The following RAP1GAP2 variants were observed in gnomAD, a reference collection of about 807,000 sequenced individuals.
RAP1GAP2 encodes the protein rap1 GTPase-activating protein 2.
Under a neutral mutation model 95.0 loss-of-function variants are expected in RAP1GAP2, and 27 were observed. The observed-to-expected ratio is 0.28, with a 90% CI of 0.21 to 0.39. The LOEUF (loss-of-function observed/expected upper bound fraction) is 0.39, where lower values mean the gene tolerates loss of function less well. Among genes scored for constraint, RAP1GAP2 ranks in the 10% least tolerant of loss-of-function variants. The pLI is 1.00. For missense variants in RAP1GAP2, 771 were observed against 970.0 expected, an observed-to-expected ratio of 0.79 and a Z score of 2.72; for synonymous variants, 373 against 380.9, an observed-to-expected ratio of 0.98 and a Z score of 0.24.
Position 3,005,887 on chromosome 17 carries a change from A to G in RAP1GAP2, c.1273-68A>G. 5.5e-6 allele frequency: 8 copies of G among 1,441,470 alleles called. No homozygotes were observed. Among genetic ancestry groups the G allele is most frequent in the Non-Finnish European group, 5.9e-6 (6 of 1,023,058 alleles). The allele number at this position is 1,441,470 out of a possible 1,614,324, so 89.3% of individuals were successfully genotyped here. A position where few individuals can be genotyped will look rare whatever the true frequency, so the allele number is the denominator to read the frequency against. ...ATGGCCCCGGCTCTGCCTGCCTGTC[A>G]CTGTGGCTGAAGACCTTCTGGCAAC... On this transcript the variant is annotated intron_variant, in intron 15 of 24. Transcript: ENST00000254695. This position sits in a 1 kb window ranked among gnomAD's most constrained non-coding sequence, Gnocchi z 5.2.
rs757054651 is a variant in RAP1GAP2 at position 3,018,073 on chromosome 17, G to T, written c.1507G>T (p.Val503Leu). ...FLESFKRAIR[V>L]RSHSMETMVG... ...TCTCTCCCCGTAGAGGGCCATCCGCGTACGCAGCCACTCCATGGAGACCAT... is the reference window on the plus strand; with the variant it reads ...TCTCTCCCCGTAGAGGGCCATCCGCTTACGCAGCCACTCCATGGAGACCAT... Residue 503 changes from valine to leucine, a missense_variant, in exon 18 of 25, where the codon GTA (valine) becomes TTA (leucine). Coordinates refer to ENST00000254695, the MANE Select transcript of RAP1GAP2 (RefSeq NM_015085.5). 3 of 1,587,970 alleles carry T rather than the reference G, an allele frequency of 1.9e-6. No individual in the cohort carries two copies. The highest frequency in any genetic ancestry group is 2.6e-6 in the Non-Finnish European group (3 of 1,167,806).
chr17:2,873,303 TA>T (rs1343295938), intron 2 of RAP1GAP2, among the ~76,000 whole-genome samples: 1 of 29,782 alleles, frequency 3.4e-5, no homozygotes, highest in East Asian at 1.3e-3. Flanking sequence ...CTACCAAAAA[TA>T]CAAAAAAAAA....
At chr17:2,913,159 C>T (rs1232384455) in intron 3 of RAP1GAP2, among the ~76,000 whole-genome samples, 2 of 151,852 alleles carry the variant, frequency 1.3e-5, no homozygotes, top group African/African-American at 2.4e-5. Flanking sequence ...GCCTGGGTGA[C>T]AGAGCAAAAT....
intron 10 of RAP1GAP2, 145 bp from the exon 11 acceptor site, chr17:2,984,836 TTC>T (rs760147949): frequency 3.5e-5 from 49 of 1,413,522 alleles, no homozygotes; most frequent in Admixed American, 7.5e-5. Flanking sequence ...TACTTATTAT[TTC>T]TCTCTCTCTC....
chr17:2,975,182 A>C (rs1453062023), intron 8 of RAP1GAP2, among the ~76,000 whole-genome samples: 2 of 152,208 alleles, frequency 1.3e-5, no homozygotes, highest in Non-Finnish European at 2.9e-5. Context: ...GTGAGCTGAA[A>C]TTGCGCCACA....
chr17:3,018,734 C>T (rs1279175668), intron 18 of RAP1GAP2, among the ~76,000 whole-genome samples: 1 of 152,102 alleles, frequency 6.6e-6, no homozygotes, highest in Non-Finnish European at 1.5e-5. Flanking sequence ...CGCTGGGGCT[C>T]AGTAACTTGC....
intron 3 of RAP1GAP2, among the ~76,000 whole-genome samples, chr17:2,938,514 C>T (rs1597662947): frequency 6.6e-6 from 1 of 152,152 alleles, no homozygotes; most frequent in African/African-American, 2.4e-5. Flanking sequence ...GCTTCTCCTT[C>T]CCCACAGCAC....
intron 4 of RAP1GAP2, among the ~76,000 whole-genome samples, chr17:2,961,434 G>C (rs1365435109): frequency 6.6e-6 from 1 of 152,112 alleles, no homozygotes; most frequent in Non-Finnish European, 1.5e-5. Flanking sequence ...AGAATTGCTT[G>C]AACCTGGGAG....
chr17:2,880,854 C>T (rs780023877), intron 2 of RAP1GAP2, among the ~76,000 whole-genome samples: 2 of 152,136 alleles, frequency 1.3e-5, no homozygotes, highest in South Asian at 2.1e-4. Flanking sequence ...AGGTCAGGCA[C>T]GGTGGCTCAC....
At chr17:2,766,398 G>T (rs1224405148) in intron 1 of RAP1GAP2, among the ~76,000 whole-genome samples, 1 of 152,084 alleles carries the variant, frequency 6.6e-6, no homozygotes, top group Admixed American at 6.6e-5. Flanking sequence ...CAGCACTTTG[G>T]GAGGCCAGGT....
At chr17:3,015,251 T>A (rs1353754162) in intron 17 of RAP1GAP2, among the ~76,000 whole-genome samples, 2 of 152,048 alleles carry the variant, frequency 1.3e-5, no homozygotes, top group African/African-American at 2.4e-5. Context: ...TTGACTCAGA[T>A]AAGAGATGCC....
At chr17:2,961,344 G>A (rs563149380) in intron 4 of RAP1GAP2, among the ~76,000 whole-genome samples, 11 of 152,060 alleles carry the variant, frequency 7.2e-5, no homozygotes, top group South Asian at 2.1e-4. Context: ...GTGAAACCTC[G>A]TCTCTACTAA....
intron 8 of RAP1GAP2, among the ~76,000 whole-genome samples, chr17:2,969,493 A>ATTTTTTTTTTTTTTTTT (rs2044761423): frequency 2.9e-5 from 3 of 101,880 alleles, no homozygotes; most frequent in African/African-American, 1.1e-4. Context: ...AAATATATAT[A>ATTTTTTTTTTTTTTTTT]TTCTTTTTTT....
At chr17:2,928,901 A>G (rs538916062) in intron 3 of RAP1GAP2, among the ~76,000 whole-genome samples, 29 of 152,140 alleles carry the variant, frequency 1.9e-4, no homozygotes, top group African/African-American at 6.7e-4. Flanking sequence ...TGAGAGACCC[A>G]GGGGCTGGTC....
At chr17:2,924,881 C>T (rs568416276) in intron 3 of RAP1GAP2, among the ~76,000 whole-genome samples, 39 of 152,224 alleles carry the variant, frequency 2.6e-4, no homozygotes, top group Middle Eastern at 3.4e-3. Context: ...CTCTTTCCTC[C>T]GGGGGGCTAG....
chr17:2,963,144 G>A lies in RAP1GAP2; in HGVS notation c.247-286G>A, dbSNP rs956789804. On this transcript the variant is annotated intron_variant, in intron 5 of 24. Transcript: ENST00000254695. This position sits in a 1 kb window ranked among gnomAD's most constrained non-coding sequence, Gnocchi z 4.8. ...TGGGGGAGACTAGGGGTCATTTTCC[G>A]GAATGAGCGTTCTAGGATGAGAAGC... 14 of 550,758 alleles carry A rather than the reference G, an allele frequency of 2.5e-5. No individual in the cohort carries two copies. The highest frequency in any genetic ancestry group is 4.2e-5 in the Non-Finnish European group (13 of 310,216). The allele number at this position is 550,758 out of a possible 1,614,324, so 34.1% of individuals were successfully genotyped here.
chr17:3,020,462 C>A lies in RAP1GAP2; in HGVS notation c.1633-15C>A. On this transcript the variant is annotated splice_polypyrimidine_tract_variant and intron_variant, in intron 18 of 24. Coordinates refer to ENST00000254695, the MANE Select transcript of RAP1GAP2 (RefSeq NM_015085.5). Reference sequence around the variant, plus strand: ...TTTGGGCCGGGAGCACTCATTTTGGCAATTTCATCGACAGCCTCCAGTGGT... The same window carrying A: ...TTTGGGCCGGGAGCACTCATTTTGGAAATTTCATCGACAGCCTCCAGTGGT... The A allele has an allele frequency of 6.2e-7, 1 of 1,609,024 alleles. No individual in the cohort carries two copies. Among genetic ancestry groups the A allele is most frequent in the Non-Finnish European group, 8.5e-7 (1 of 1,176,268 alleles).
chr17:2,982,392 C>T (rs1375976427), intron 10 of RAP1GAP2, among the ~76,000 whole-genome samples: 1 of 152,194 alleles, frequency 6.6e-6, no homozygotes, highest in Non-Finnish European at 1.5e-5. Flanking sequence ...CCTCCTTGGC[C>T]TCCCAAAGTG....
intron 4 of RAP1GAP2, among the ~76,000 whole-genome samples, chr17:2,960,073 C>T (rs1437251582): frequency 2.2e-5 from 3 of 134,046 alleles, no homozygotes; most frequent in Admixed American, 8.2e-5. Flanking sequence ...TGCAGTGAGC[C>T]GAGATTGCGC....
Sources: allele counts gnomAD v4.1 joint callset (sites outside exome capture counted in the v4.1 genomes callset), GRCh38; gene constraint gnomAD v4.1.1; non-coding constraint Gnocchi (gnomAD v3.1); transcripts MANE v1.5; gene names NCBI Gene and HGNC (gene_info 2026-07-23, HGNC 2026-07-21).